The following HPSE2 variants were observed in gnomAD, a reference collection of about 807,000 sequenced individuals.
The protein encoded by HPSE2 is inactive heparanase-2.
In HPSE2, 38 loss-of-function variants were observed where a neutral mutation model predicts 60.5. The ratio of observed to expected loss-of-function variants is 0.63; its 90% CI spans 0.48 to 0.82. HPSE2 has a LOEUF of 0.82. HPSE2 is among the 40% of genes least tolerant of loss of function. HPSE2 has a pLI of 0.00. For missense variants in HPSE2, 713 were observed against 740.4 expected, an observed-to-expected ratio of 0.96 and a Z score of 0.43; for synonymous variants, 295 against 293.2, an observed-to-expected ratio of 1.01 and a Z score of -0.06.
At chr10:98,565,300 T>A (rs1238123209) in intron 9 of HPSE2, among the ~76,000 whole-genome samples, 1 of 152,120 alleles carries the variant, frequency 6.6e-6, no homozygotes, top group Non-Finnish European at 1.5e-5. Context: ...GCATTAGCTA[T>A]TTGTCCTAAT....
At chr10:98,588,644 C>T (rs1945003046) in intron 9 of HPSE2, among the ~76,000 whole-genome samples, 1 of 151,972 alleles carries the variant, frequency 6.6e-6, no homozygotes, top group Non-Finnish European at 1.5e-5. Flanking sequence ...TAACATGGAG[C>T]AATGGTAACG....
At chr10:98,687,656 G>A (rs1464275108) in intron 6 of HPSE2, among the ~76,000 whole-genome samples, 2 of 152,140 alleles carry the variant, frequency 1.3e-5, no homozygotes, top group Non-Finnish European at 2.9e-5. Context: ...ATACATTTAC[G>A]ATTATTATGT....
At position 98,774,912 on chromosome 10, in the gene HPSE2, A is replaced by G. The variant is rs146872427; in HGVS notation, c.611-30856T>C. Reference sequence around the variant, plus strand: ...ATATTCATCTGACATGATTCTAAGTATGTTGGAAATGGAAAAGTGGCAATA... The same window carrying G: ...ATATTCATCTGACATGATTCTAAGTGTGTTGGAAATGGAAAAGTGGCAATA... On this transcript the variant is annotated intron_variant, in intron 3 of 11. Transcript: ENST00000370552. Among the ~76,000 whole-genome samples the G allele has an allele frequency of 1.5e-4, 23 of 152,304 alleles. No individual in the cohort carries two copies. The East Asian group carries it at 4.1e-3, about 27-fold the overall frequency.
chr10:99,159,585 A>G (rs1326833098), intron 2 of HPSE2, among the ~76,000 whole-genome samples: 2 of 152,184 alleles, frequency 1.3e-5, no homozygotes, highest in African/African-American at 4.8e-5. Context: ...AAGTTTTTGT[A>G]AGTCTAAAGT....
intron 3 of HPSE2, among the ~76,000 whole-genome samples, chr10:98,974,359 G>C (rs369241782): frequency 2.6e-5 from 4 of 151,994 alleles, no homozygotes; most frequent in African/African-American, 9.6e-5. Flanking sequence ...GTTTTGAGAT[G>C]GAGTCTCGCT....
the HPSE2 span, among the ~76,000 whole-genome samples, chr10:99,315,704 T>A: frequency 3.3e-5 from 5 of 152,214 alleles, no homozygotes; most frequent in Non-Finnish European, 7.3e-5. Flanking sequence ...GGTTCTTCAG[T>A]TGAGTCCTAC....
chr10:99,041,564 C>T (rs1206438367), intron 3 of HPSE2, among the ~76,000 whole-genome samples: 2 of 152,184 alleles, frequency 1.3e-5, no homozygotes, highest in Admixed American at 6.5e-5. Flanking sequence ...GCCCCACAGG[C>T]CTTGGACTCC....
At chr10:98,476,134 T>C (rs1591235152) in intron 11 of HPSE2, among the ~76,000 whole-genome samples, 3 of 151,670 alleles carry the variant, frequency 2.0e-5, no homozygotes, top group African/African-American at 7.3e-5. Flanking sequence ...CATGGAATAC[T>C]ATGCAGCCAT....
intron 3 of HPSE2, among the ~76,000 whole-genome samples, chr10:99,068,008 T>C (rs994240341): frequency 1.3e-5 from 2 of 152,150 alleles, no homozygotes; most frequent in African/African-American, 4.8e-5. Flanking sequence ...AGGGGGAAAA[T>C]GCCACCAGTC....
At chr10:98,689,110 C>A (rs1565080975) in intron 6 of HPSE2, among the ~76,000 whole-genome samples, 1 of 152,028 alleles carries the variant, frequency 6.6e-6, no homozygotes. Flanking sequence ...TACCTAGCTT[C>A]CTGAATCTGT....
rs148123932 is a variant in HPSE2, at chr10:98,733,235, C to T, written c.784+10648G>A. ...TCCTGGGCTCAAGTGATCCTCCCACCTCAGCCACCTGAGTAGCTGAGCCAC... is the reference window on the plus strand; with the variant it reads ...TCCTGGGCTCAAGTGATCCTCCCACTTCAGCCACCTGAGTAGCTGAGCCAC... On this transcript the variant is annotated intron_variant, in intron 4 of 11. Coordinates refer to ENST00000370552, the MANE Select transcript of HPSE2 (RefSeq NM_021828.5). Among the ~76,000 whole-genome samples, 457 of 152,226 alleles carry T rather than the reference C, an allele frequency of 3.0e-3. 2 individuals are homozygous for T. The highest frequency in any genetic ancestry group is 5.3e-3 in the Admixed American group (81 of 15,296).
At chr10:98,852,159 G>T (rs7478611) in intron 3 of HPSE2, among the ~76,000 whole-genome samples, 1 of 130,264 alleles carries the variant, frequency 7.7e-6, no homozygotes, top group African/African-American at 3.4e-5. Context: ...GTGTGTGTGT[G>T]TGTGTGTATA....
chr10:99,095,447 T>G (rs1202141247), intron 3 of HPSE2, among the ~76,000 whole-genome samples: 1 of 152,200 alleles, frequency 6.6e-6, no homozygotes, highest in Non-Finnish European at 1.5e-5. Context: ...AACTGTAGAA[T>G]TCAATAGTTT....
chr10:98,617,214 C>G (rs990416439), intron 8 of HPSE2, among the ~76,000 whole-genome samples: 1 of 152,162 alleles, frequency 6.6e-6, no homozygotes, highest in Admixed American at 6.5e-5. Context: ...AAAGATCCTA[C>G]TTGTTTACTC....
At chr10:99,163,724 A>C (rs1846942058) in intron 2 of HPSE2, among the ~76,000 whole-genome samples, 1 of 151,778 alleles carries the variant, frequency 6.6e-6, no homozygotes, top group South Asian at 2.1e-4. Context: ...ATGTCTCCTT[A>C]GTCTTCTCTG....
chr10:99,064,862 G>A (rs1842564788), intron 3 of HPSE2, among the ~76,000 whole-genome samples: 1 of 151,892 alleles, frequency 6.6e-6, no homozygotes, highest in Non-Finnish European at 1.5e-5. Context: ...TTGACATAAG[G>A]AAATGTGGTA....
At chr10:98,873,514 A>C (rs1952788980) in intron 3 of HPSE2, among the ~76,000 whole-genome samples, 2 of 152,020 alleles carry the variant, frequency 1.3e-5, no homozygotes, top group Middle Eastern at 3.2e-3. Flanking sequence ...AGCTTCATCC[A>C]TGCCCCTGAA....
chr10:98,744,153 A>G, intron 3 of HPSE2, 97 bp from the exon 4 acceptor site: 1 of 1,079,130 alleles, frequency 9.3e-7, no homozygotes, highest in Non-Finnish European at 1.4e-6. Context: ...TGAGCTTCCC[A>G]CTAATAAGGA....
intron 3 of HPSE2, among the ~76,000 whole-genome samples, chr10:99,092,409 A>AGATTTTTAGAGT: frequency 6.6e-6 from 1 of 152,320 alleles, no homozygotes; most frequent in East Asian, 1.9e-4. Context: ...AAAATGGTAA[A>AGATTTTTAGAGT]CTGTGGTCTA....
Sources: allele counts gnomAD v4.1 joint callset (sites outside exome capture counted in the v4.1 genomes callset), GRCh38; gene constraint gnomAD v4.1.1; transcripts MANE v1.5; gene names NCBI Gene and HGNC (gene_info 2026-07-23, HGNC 2026-07-21).